The following NELL2 variants were observed in gnomAD, a reference collection of about 807,000 sequenced individuals.
NELL2 encodes neural EGFL like 2.
NELL2 carries 41 observed loss-of-function variants against 109.6 expected under a neutral mutation model. The observed-to-expected ratio is 0.37, with a 90% CI of 0.29 to 0.49. The LOEUF is 0.49. Among genes scored for constraint, NELL2 ranks in the 20% least tolerant of loss-of-function variants. The pLI is 0.98. For synonymous variants in NELL2, 355 were observed against 344.7 expected (o/e 1.03, Z -0.33); for missense variants, 900 against 1,008.3 (o/e 0.89, Z 1.45).
At chr12:44,745,110 C>G (rs532092195) in intron 9 of NELL2, among the ~76,000 whole-genome samples, 2 of 152,166 alleles carry the variant, frequency 1.3e-5, no homozygotes, top group Non-Finnish European at 2.9e-5. Context: ...CCACCATAAT[C>G]GAGTGGGCTT....
intron 13 of NELL2, among the ~76,000 whole-genome samples, chr12:44,644,659 C>CAA (rs1322987359): frequency 2.5e-4 from 33 of 132,280 alleles, no homozygotes; most frequent in African/African-American, 8.9e-4. Context: ...TACACACACA[C>CAA]AACACTGCAT....
chr12:44,541,934 C>CT (rs1810985772), intron 15 of NELL2, among the ~76,000 whole-genome samples: 1 of 152,188 alleles, frequency 6.6e-6, no homozygotes. Context: ...AAGCCAAGAT[C>CT]TAAGCCCAGA....
chr12:44,770,839 C>T (rs1204097762), intron 9 of NELL2, among the ~76,000 whole-genome samples: 1 of 152,118 alleles, frequency 6.6e-6, no homozygotes, highest in Non-Finnish European at 1.5e-5. Flanking sequence ...ACCGCCTTTC[C>T]TGTGAAGCAG....
chr12:44,808,188 A>T (rs1402065583), intron 3 of NELL2, among the ~76,000 whole-genome samples: 1 of 152,054 alleles, frequency 6.6e-6, no homozygotes, highest in Non-Finnish European at 1.5e-5. Context: ...TGGACTGCTG[A>T]CAGGAAGGGA....
At chr12:44,847,848 A>G (rs1052249675) in intron 2 of NELL2, among the ~76,000 whole-genome samples, 6 of 151,982 alleles carry the variant, frequency 3.9e-5, no homozygotes, top group Non-Finnish European at 8.8e-5. Flanking sequence ...CCTGGCCAAC[A>G]TGGCAAAACC....
intron 15 of NELL2, among the ~76,000 whole-genome samples, chr12:44,584,301 CCTGGCCTTT>C (rs1944422426): frequency 6.6e-6 from 1 of 152,330 alleles, no homozygotes; most frequent in East Asian, 1.9e-4. Context: ...GACTGGTCAG[CCTGGCCTTT>C]CTGTGGGACA....
At chr12:44,794,846 T>G (rs562424688) in intron 3 of NELL2, among the ~76,000 whole-genome samples, 37 of 152,328 alleles carry the variant, frequency 2.4e-4, no homozygotes, top group African/African-American at 8.9e-4. Flanking sequence ...TACCCTAAAT[T>G]GAAAATCACA....
At chr12:44,644,606 A>ATGTG (rs1421388527) in intron 13 of NELL2, among the ~76,000 whole-genome samples, 1 of 76,350 alleles carries the variant, frequency 1.3e-5, no homozygotes, top group African/African-American at 5.8e-5. Context: ...ATATATATGT[A>ATGTG]TGTATATATA....
chr12:44,773,213 C>T (rs1180989940), intron 9 of NELL2, among the ~76,000 whole-genome samples: 2 of 152,170 alleles, frequency 1.3e-5, no homozygotes, highest in Non-Finnish European at 2.9e-5. Context: ...CGGTGGCTCA[C>T]GCCTGTAATC....
At chr12:44,737,463 C>G (rs1309531664) in intron 9 of NELL2, among the ~76,000 whole-genome samples, 1 of 152,018 alleles carries the variant, frequency 6.6e-6, no homozygotes, top group Non-Finnish European at 1.5e-5. Flanking sequence ...AAATTCCTTT[C>G]TCATTTTTCA....
Position 44,884,858 on chromosome 12 carries a change from A to G in NELL2, c.39-8958T>C, listed in dbSNP as rs78105605. 6.1e-3 allele frequency among the ~76,000 whole-genome samples: 930 copies of G among 152,198 alleles called. 21 individuals carry two copies. The highest frequency in any genetic ancestry group is 0.021 in the African/African-American group (887 of 41,430). On this transcript the variant is annotated intron_variant, in intron 1 of 20. Transcript: ENST00000333837. ...TTCAACACCTAGTCACATTAAAATAAATAATTCACTGCAAAGCAAAATAAA... is the reference window on the plus strand; with the variant it reads ...TTCAACACCTAGTCACATTAAAATAGATAATTCACTGCAAAGCAAAATAAA...
At chr12:44,514,056 A>G (rs1228488336) in intron 19 of NELL2, among the ~76,000 whole-genome samples, 1 of 151,930 alleles carries the variant, frequency 6.6e-6, no homozygotes, top group Non-Finnish European at 1.5e-5. Flanking sequence ...AATACTGCAT[A>G]CAAGGGAATA....
intron 12 of NELL2, among the ~76,000 whole-genome samples, chr12:44,684,608 G>T (rs1329444393): frequency 6.6e-6 from 1 of 152,020 alleles, no homozygotes; most frequent in Non-Finnish European, 1.5e-5. Flanking sequence ...AGAGATTCTG[G>T]TATGTTGTGT....
At chr12:44,519,566 G>A (rs1941427193) in intron 19 of NELL2, among the ~76,000 whole-genome samples, 2 of 152,170 alleles carry the variant, frequency 1.3e-5, no homozygotes, top group African/African-American at 4.8e-5. Flanking sequence ...TTGCCATATT[G>A]ATTTCCACTT....
chr12:44,640,619 G>A (rs1385275177), intron 13 of NELL2, among the ~76,000 whole-genome samples: 1 of 151,590 alleles, frequency 6.6e-6, no homozygotes, highest in Non-Finnish European at 1.5e-5. Context: ...TTGGAACATG[G>A]TTGCATAGCA....
intron 15 of NELL2, among the ~76,000 whole-genome samples, chr12:44,541,380 T>C (rs1347874737): frequency 2.0e-5 from 3 of 151,812 alleles, no homozygotes; most frequent in African/African-American, 7.3e-5. Flanking sequence ...CCACAGTGAT[T>C]ACAAAAGGAT....
At chr12:44,624,128 G>C (rs1322681830) in intron 13 of NELL2, among the ~76,000 whole-genome samples, 1 of 152,054 alleles carries the variant, frequency 6.6e-6, no homozygotes. Context: ...AGAACTTAAA[G>C]TATAATAATA....
At chr12:44,796,081 C>A (rs1310803193) in intron 3 of NELL2, among the ~76,000 whole-genome samples, 1 of 151,998 alleles carries the variant, frequency 6.6e-6, no homozygotes, top group African/African-American at 2.4e-5. Flanking sequence ...TTCCCCCCTC[C>A]CCATCCAAAG....
intron 1 of NELL2, among the ~76,000 whole-genome samples, chr12:44,892,211 A>T (rs1945542040): frequency 6.6e-6 from 1 of 152,224 alleles, no homozygotes; most frequent in South Asian, 2.1e-4. Context: ...TGCAAGAGTG[A>T]ACAGTTTACT....
Sources: gnomAD v4.1 joint callset for allele counts (sites outside exome capture counted in the v4.1 genomes callset) on GRCh38, gnomAD v4.1.1 for gene constraint, MANE v1.5 for transcripts, NCBI Gene and HGNC (gene_info 2026-07-23, HGNC 2026-07-21) for gene names.